The following ERBB4 variants were observed in gnomAD, a reference collection of about 807,000 sequenced individuals.
The protein encoded by ERBB4 is erb-b2 receptor tyrosine kinase 4, also known as receptor tyrosine-protein kinase erbB-4.
ERBB4 carries 42 observed loss-of-function variants against 158.0 expected under a neutral mutation model. The ratio of observed to expected loss-of-function variants is 0.27; its 90% CI spans 0.21 to 0.34. The LOEUF (loss-of-function observed/expected upper bound fraction) is 0.34, where lower values mean the gene tolerates loss of function less well. Among genes scored for constraint, ERBB4 ranks in the 10% least tolerant of loss-of-function variants. The pLI is 1.00. For synonymous variants in ERBB4, 583 were observed against 558.7 expected (o/e 1.04, Z -0.61); for missense variants, 1,333 against 1,624.1 (o/e 0.82, Z 3.08).
chr2:212,420,112 T>A (rs2091760070), intron 1 of ERBB4, among the ~76,000 whole-genome samples: 1 of 152,082 alleles, frequency 6.6e-6, no homozygotes, highest in South Asian at 2.1e-4. Flanking sequence ...AATAGATCAT[T>A]GTGATATGTA....
intron 20 of ERBB4, among the ~76,000 whole-genome samples, chr2:211,529,895 G>C (rs992274360): frequency 2.6e-5 from 4 of 151,994 alleles, no homozygotes; most frequent in Non-Finnish European, 4.4e-5. Flanking sequence ...TCATACTGAA[G>C]GGAGAAAAAC....
intron 4 of ERBB4, among the ~76,000 whole-genome samples, chr2:211,787,127 C>A (rs899395345): frequency 2.0e-5 from 3 of 151,970 alleles, no homozygotes; most frequent in Non-Finnish European, 4.4e-5. Context: ...AATGTCATAA[C>A]ACAATCAGTA....
At chr2:211,535,095 T>G (rs532419737) in intron 20 of ERBB4, among the ~76,000 whole-genome samples, 1 of 152,108 alleles carries the variant, frequency 6.6e-6, no homozygotes, top group Non-Finnish European at 1.5e-5. Flanking sequence ...TACAGTCACC[T>G]TTGTTTCCAA....
intron 19 of ERBB4, among the ~76,000 whole-genome samples, chr2:211,601,016 A>C (rs2068784177): frequency 6.6e-6 from 1 of 152,216 alleles, no homozygotes; most frequent in Non-Finnish European, 1.5e-5. Context: ...CGATTTAAAC[A>C]AACAGAAAGA....
chr2:212,531,152 G>T (rs1355621037), intron 1 of ERBB4, among the ~76,000 whole-genome samples: 1 of 152,096 alleles, frequency 6.6e-6, no homozygotes, highest in Non-Finnish European at 1.5e-5. Flanking sequence ...TTTTACGGGG[G>T]TCCACTTTCA....
At chr2:212,467,519 C>T (rs1354785678) in intron 1 of ERBB4, among the ~76,000 whole-genome samples, 1 of 152,196 alleles carries the variant, frequency 6.6e-6, no homozygotes, top group Non-Finnish European at 1.5e-5. Context: ...AGCCTTAGGC[C>T]TTGGCAGCTT....
chr2:212,326,995 T>C (rs1359105955), intron 1 of ERBB4, among the ~76,000 whole-genome samples: 1 of 150,846 alleles, frequency 6.6e-6, no homozygotes, highest in Admixed American at 6.6e-5. Context: ...TTCATTGAGA[T>C]GTTAATAGCC....
chr2:211,449,536 T>C (rs1574509507), intron 20 of ERBB4, among the ~76,000 whole-genome samples: 1 of 152,196 alleles, frequency 6.6e-6, no homozygotes, highest in African/African-American at 2.4e-5. Flanking sequence ...ATAGACATAG[T>C]TCATATGCAA....
chr2:212,179,560 G>C (rs2081788993), intron 1 of ERBB4, among the ~76,000 whole-genome samples: 1 of 151,564 alleles, frequency 6.6e-6, no homozygotes. Flanking sequence ...GGGTTGTTGG[G>C]TGTGAGAATT....
intron 6 of ERBB4, among the ~76,000 whole-genome samples, chr2:211,723,186 G>T (rs1486826967): frequency 1.3e-5 from 2 of 152,106 alleles, no homozygotes; most frequent in African/African-American, 4.8e-5. Flanking sequence ...GTAGAAGACA[G>T]TTCATTTCTG....
intron 20 of ERBB4, among the ~76,000 whole-genome samples, chr2:211,522,985 G>C (rs1276891824): frequency 1.3e-5 from 2 of 151,306 alleles, no homozygotes; most frequent in East Asian, 4.0e-4. Flanking sequence ...TTAAGAGTTT[G>C]GTGGTAAGAT....
chr2:211,510,516 A>T (rs1192272565), intron 20 of ERBB4, among the ~76,000 whole-genome samples: 1 of 152,110 alleles, frequency 6.6e-6, no homozygotes, highest in East Asian at 1.9e-4. Context: ...TTGACTCTTT[A>T]GATGATTCCT....
intron 1 of ERBB4, among the ~76,000 whole-genome samples, chr2:212,223,460 C>T (rs998039434): frequency 6.8e-6 from 1 of 147,832 alleles, no homozygotes; most frequent in East Asian, 2.0e-4. Flanking sequence ...CTTGAAGGTA[C>T]TTCTTGTCCT....
At chr2:211,979,898 CAT>C (rs917246109) in intron 2 of ERBB4, among the ~76,000 whole-genome samples, 2 of 152,150 alleles carry the variant, frequency 1.3e-5, no homozygotes, top group African/African-American at 2.4e-5. Context: ...GAACTCACCA[CAT>C]AGTTACTGAA....
chr2:212,024,935 C>A (rs1019139177), intron 2 of ERBB4, among the ~76,000 whole-genome samples: 1 of 151,782 alleles, frequency 6.6e-6, no homozygotes, highest in African/African-American at 2.4e-5. Context: ...GTGTGATATT[C>A]AGCAAATTAC....
intron 1 of ERBB4, among the ~76,000 whole-genome samples, chr2:212,521,547 T>C (rs551682427): frequency 6.6e-6 from 1 of 152,034 alleles, no homozygotes; most frequent in Non-Finnish European, 1.5e-5. Context: ...ATGATGTTTC[T>C]ATTTTGCCTT....
At chr2:212,144,859 G>A (rs545666408) in intron 1 of ERBB4, among the ~76,000 whole-genome samples, 3 of 152,256 alleles carry the variant, frequency 2.0e-5, no homozygotes, top group South Asian at 4.1e-4. Flanking sequence ...ATAAAATTAA[G>A]AGGCAAAATT....
chr2:212,489,171 C>T (rs1289954100), intron 1 of ERBB4, among the ~76,000 whole-genome samples: 1 of 151,664 alleles, frequency 6.6e-6, no homozygotes, highest in East Asian at 1.9e-4. Context: ...CACAAATGAC[C>T]TTTTCCCCTT....
intron 25 of ERBB4, among the ~76,000 whole-genome samples, chr2:211,415,458 T>G (rs1337014765): frequency 6.6e-6 from 1 of 152,158 alleles, no homozygotes; most frequent in Admixed American, 6.5e-5. Context: ...GTGTCTGCAT[T>G]ATCATTTTGC....
Sources: allele counts gnomAD v4.1 joint callset (sites outside exome capture counted in the v4.1 genomes callset), GRCh38; gene constraint gnomAD v4.1.1; transcripts MANE v1.5; gene names NCBI Gene and HGNC (gene_info 2026-07-23, HGNC 2026-07-21).